TMPRSS11D: variants seen among roughly 807,000 people sequenced by gnomAD.
TMPRSS11D encodes the protein transmembrane protease serine 11D.
In TMPRSS11D, 32 loss-of-function variants were observed where a neutral mutation model predicts 44.4. The ratio of observed to expected loss-of-function variants is 0.72; its 90% CI spans 0.54 to 0.97. The LOEUF is 0.97. Ranked by LOEUF, TMPRSS11D falls within the 50% of genes least tolerant of loss-of-function variation. The pLI, the probability that TMPRSS11D is intolerant of heterozygous loss-of-function variation, is 0.00. For missense variants in TMPRSS11D, 446 were observed against 502.6 expected, an observed-to-expected ratio of 0.89 and a Z score of 1.08; for synonymous variants, 179 against 177.9, an observed-to-expected ratio of 1.01 and a Z score of -0.05.
chr4:67,843,646 G>A (rs1320961948), intron 3 of TMPRSS11D, among the ~76,000 whole-genome samples: 1 of 152,140 alleles, frequency 6.6e-6, no homozygotes, highest in African/African-American at 2.4e-5. Flanking sequence ...ATTTATGGCC[G>A]GGCGCAGTGG....
In TMPRSS11D at chr4:67,862,544, C is replaced by T. The variant is rs11947362; in HGVS notation, c.9-2866G>A. ...ATATATCTTCAGCCCAGACCTCTCT[C>T]TTTGAACTGCACATCATCATTTCCA... On this transcript the variant is annotated intron_variant, in intron 1 of 9. Coordinates refer to ENST00000283916, the MANE Select transcript of TMPRSS11D (RefSeq NM_004262.3). Among the ~76,000 whole-genome samples the T allele has an allele frequency of 7.0e-3, 1,061 of 152,238 alleles. 7 individuals carry two copies. The highest frequency in any genetic ancestry group is 0.037 in the Middle Eastern group (11 of 294).
intron 1 of TMPRSS11D, among the ~76,000 whole-genome samples, chr4:67,870,982 G>A (rs1404624313): frequency 1.3e-5 from 2 of 152,104 alleles, no homozygotes; most frequent in African/African-American, 4.8e-5. Flanking sequence ...GGATTTTTAT[G>A]TTCCTTCCTT....
At chr4:67,866,398 AG>A (rs1718926868) in intron 1 of TMPRSS11D, among the ~76,000 whole-genome samples, 1 of 152,036 alleles carries the variant, frequency 6.6e-6, no homozygotes, top group Non-Finnish European at 1.5e-5. Context: ...CATACTGTAC[AG>A]GGAAAAGTTG....
At chr4:67,850,908 A>G (rs1718491752) in intron 3 of TMPRSS11D, among the ~76,000 whole-genome samples, 2 of 152,086 alleles carry the variant, frequency 1.3e-5, no homozygotes, top group African/African-American at 2.4e-5. Flanking sequence ...CTGCACACAC[A>G]CTCATTTCAT....
intron 1 of TMPRSS11D, among the ~76,000 whole-genome samples, chr4:67,877,010 C>G (rs1045182018): frequency 1.3e-5 from 2 of 152,060 alleles, no homozygotes; most frequent in Non-Finnish European, 2.9e-5. Flanking sequence ...CATCTGTTCT[C>G]TAAATATCTT....
chr4:67,871,038 C>T (rs1210168479), intron 1 of TMPRSS11D, among the ~76,000 whole-genome samples: 9 of 152,068 alleles, frequency 5.9e-5, no homozygotes, highest in Admixed American at 5.9e-4. Context: ...GATGGTTGAA[C>T]TCATTACTCT....
intron 8 of TMPRSS11D, 90 bp from the exon 9 acceptor site, chr4:67,825,964 C>T: frequency 7.4e-7 from 1 of 1,344,862 alleles, no homozygotes; most frequent in Non-Finnish European, 9.9e-7. Context: ...AAATGTACTC[C>T]AAACATTATT....
At chr4:67,883,442 A>G (rs1369349892) in intron 1 of TMPRSS11D, among the ~76,000 whole-genome samples, 1 of 152,090 alleles carries the variant, frequency 6.6e-6, no homozygotes, top group Admixed American at 6.6e-5. Flanking sequence ...ATAATTCTAC[A>G]ACTATATAAA....
chr4:67,828,614 C>G (rs1283037547), intron 7 of TMPRSS11D, among the ~76,000 whole-genome samples: 2 of 152,130 alleles, frequency 1.3e-5, no homozygotes, highest in East Asian at 3.9e-4. Context: ...GATGCCAAAA[C>G]TGTTTCGCCC....
intron 2 of TMPRSS11D, among the ~76,000 whole-genome samples, chr4:67,854,969 A>G (rs182228211): frequency 6.6e-6 from 1 of 151,374 alleles, no homozygotes; most frequent in East Asian, 2.0e-4. Flanking sequence ...AAAAAAAAAT[A>G]CTACAGGCCG....
At chr4:67,859,810 G>T (rs756807112) in intron 1 of TMPRSS11D, 132 bp from the exon 2 acceptor site, 14 of 1,240,128 alleles carry the variant, frequency 1.1e-5, no homozygotes, top group East Asian at 2.6e-5. Context: ...AAACATATTC[G>T]TAGATATGAA....
chr4:67,852,908 T>A (rs1718542509), intron 3 of TMPRSS11D, among the ~76,000 whole-genome samples: 1 of 152,188 alleles, frequency 6.6e-6, no homozygotes, highest in African/African-American at 2.4e-5. Flanking sequence ...TCTGCAAATA[T>A]TTATAATATA....
At chr4:67,867,813 G>A (rs1217966976) in intron 1 of TMPRSS11D, among the ~76,000 whole-genome samples, 1 of 151,908 alleles carries the variant, frequency 6.6e-6, no homozygotes, top group Non-Finnish European at 1.5e-5. Context: ...AGAAAGTCAA[G>A]GTATAACATG....
intron 1 of TMPRSS11D, among the ~76,000 whole-genome samples, chr4:67,871,862 T>A (rs1206036862): frequency 2.0e-5 from 3 of 152,158 alleles, no homozygotes; most frequent in Non-Finnish European, 2.9e-5. Flanking sequence ...TTTCTGGAAC[T>A]TTATGATGCT....
intron 3 of TMPRSS11D, among the ~76,000 whole-genome samples, chr4:67,844,927 A>G (rs1382552516): frequency 1.3e-5 from 2 of 152,214 alleles, no homozygotes; most frequent in Non-Finnish European, 2.9e-5. Context: ...ATGTTAAAGG[A>G]GATATTTTAA....
At chr4:67,852,719 A>G (rs962149930) in intron 3 of TMPRSS11D, among the ~76,000 whole-genome samples, 1 of 152,152 alleles carries the variant, frequency 6.6e-6, no homozygotes, top group Non-Finnish European at 1.5e-5. Flanking sequence ...TTGGACAGGA[A>G]CCAGATGTAG....
chr4:67,830,945 A>G (rs1717929086), intron 7 of TMPRSS11D, among the ~76,000 whole-genome samples: 1 of 152,144 alleles, frequency 6.6e-6, no homozygotes, highest in Admixed American at 6.6e-5. Flanking sequence ...TATGTCAACT[A>G]TAGTGTTTGG....
intron 3 of TMPRSS11D, among the ~76,000 whole-genome samples, chr4:67,845,280 C>T (rs953272584): frequency 6.6e-6 from 1 of 152,146 alleles, no homozygotes; most frequent in Non-Finnish European, 1.5e-5. Flanking sequence ...AATGTTACTA[C>T]CAACTCTCAT....
At chr4:67,867,253 T>A (rs1718948428) in intron 1 of TMPRSS11D, among the ~76,000 whole-genome samples, 1 of 152,058 alleles carries the variant, frequency 6.6e-6, no homozygotes, top group Non-Finnish European at 1.5e-5. Flanking sequence ...ATTTAATAAA[T>A]GGTGGTGGTA....
Sources: gnomAD v4.1 joint callset for allele counts (sites outside exome capture counted in the v4.1 genomes callset) on GRCh38, gnomAD v4.1.1 for gene constraint, MANE v1.5 for transcripts, NCBI Gene and HGNC (gene_info 2026-07-23, HGNC 2026-07-21) for gene names.